KCNMA1: variants seen among roughly 807,000 people sequenced by gnomAD.
KCNMA1 encodes the protein potassium calcium-activated channel subfamily M alpha 1, also known as Calcium-activated potassium channel subunit alpha-1.
In KCNMA1, 29 loss-of-function variants were observed where a neutral mutation model predicts 140.0. That is an observed-to-expected ratio of 0.21 (90% CI 0.15 to 0.28). The LOEUF (loss-of-function observed/expected upper bound fraction) is 0.28, where lower values mean the gene tolerates loss of function less well. KCNMA1 is among the 10% of genes least tolerant of loss of function. KCNMA1 has a pLI of 1.00. For missense variants in KCNMA1, 880 were observed against 1,602.2 expected, an observed-to-expected ratio of 0.55 and a Z score of 7.70; for synonymous variants, 612 against 611.9, an observed-to-expected ratio of 1.00 and a Z score of 0.00.
chr10:77,562,272 C>A (rs1266715021), intron 1 of KCNMA1, among the ~76,000 whole-genome samples: 1 of 152,180 alleles, frequency 6.6e-6, no homozygotes, highest in African/African-American at 2.4e-5. Flanking sequence ...ACCATACAAG[C>A]TTCATGGATA....
At chr10:77,534,194 G>T (rs1409834127) in intron 1 of KCNMA1, among the ~76,000 whole-genome samples, 1 of 152,192 alleles carries the variant, frequency 6.6e-6, no homozygotes, top group Non-Finnish European at 1.5e-5. Context: ...GCTCAGAGAT[G>T]ATTATTGCTA....
chr10:77,636,109 C>G, intron 1 of KCNMA1: 1 of 853,714 alleles, frequency 1.2e-6, no homozygotes, highest in Non-Finnish European at 1.7e-6. Flanking sequence ...CTGCACTATT[C>G]CCCTGGATTT....
intron 2 of KCNMA1, among the ~76,000 whole-genome samples, chr10:77,301,862 C>T (rs1389971784): frequency 6.7e-6 from 1 of 150,276 alleles, no homozygotes. Context: ...CATCTCACAA[C>T]AGCCTAATGT....
chr10:77,304,055 C>T (rs575828415), intron 2 of KCNMA1, among the ~76,000 whole-genome samples: 21 of 152,206 alleles, frequency 1.4e-4, no homozygotes, highest in Non-Finnish European at 2.2e-4. Context: ...CAGGCCAACA[C>T]GAAGGAATTG....
At position 77,637,601 on chromosome 10, in the gene KCNMA1, G is replaced by C. The variant is rs1469284538; in HGVS notation, c.42C>G (p.Gly14=). The change falls in exon 1 of 28, where the codon GGC becomes GGG. Residue 14 remains glycine, a synonymous_variant. Transcript: ENST00000286628. The part of the protein sequence containing the change: ...GGGGGGGSSG[G]GGGGGGSSLR... ...GACTGCTGCCTCCGCCGCCGCCGCC[G>C]CCGCCGCTGCTGCCGCCGCCGCCGC... 1 of 1,525,052 alleles carries C rather than the reference G, an allele frequency of 6.6e-7. No homozygotes were observed. The highest frequency in any genetic ancestry group is 2.0e-5 in the Admixed American group (1 of 49,752). 94.5% of individuals were successfully genotyped at this position (1,525,052 alleles called of 1,614,324 possible).
At chr10:77,227,292 G>A (rs573379157) in intron 3 of KCNMA1, among the ~76,000 whole-genome samples, 1 of 152,272 alleles carries the variant, frequency 6.6e-6, no homozygotes, top group East Asian at 1.9e-4. Context: ...TTAAACCCAG[G>A]TTCTGGTTTT....
At chr10:77,085,374 G>GA (rs1325652007) in intron 11 of KCNMA1, among the ~76,000 whole-genome samples, 1 of 152,034 alleles carries the variant, frequency 6.6e-6, no homozygotes, top group Non-Finnish European at 1.5e-5. Context: ...AGCCCACAGG[G>GA]GTTTATTCCT....
intron 25 of KCNMA1, chr10:76,902,437 C>T (rs887214981): frequency 6.6e-6 from 1 of 152,394 alleles, no homozygotes; most frequent in Admixed American, 6.5e-5. Context: ...ACCTCCAACT[C>T]TGGCAGGGTT....
At chr10:77,446,208 G>A (rs1314678123) in intron 1 of KCNMA1, among the ~76,000 whole-genome samples, 1 of 152,184 alleles carries the variant, frequency 6.6e-6, no homozygotes, top group Non-Finnish European at 1.5e-5. Context: ...AGCTAAGGAG[G>A]CCCTTGGACC....
At chr10:76,945,027 G>C in intron 22 of KCNMA1, 62 bp from the exon 23 acceptor site, 1 of 1,396,532 alleles carries the variant, frequency 7.2e-7, no homozygotes, top group Admixed American at 1.7e-5. Flanking sequence ...GAGAGAGAGA[G>C]AGAGGAGCAA....
At chr10:77,056,899 G>A (rs1167615599) in intron 14 of KCNMA1, among the ~76,000 whole-genome samples, 6 of 152,218 alleles carry the variant, frequency 3.9e-5, no homozygotes, top group African/African-American at 1.2e-4. Context: ...GTATTGAAAA[G>A]TTTCACACAG....
intron 14 of KCNMA1, among the ~76,000 whole-genome samples, chr10:77,067,473 ATCTC>A (rs78621121): frequency 1.3e-5 from 2 of 151,050 alleles, no homozygotes; most frequent in Non-Finnish European, 3.0e-5. Context: ...TATAATCAAC[ATCTC>A]TCTCTCTCTC....
intron 1 of KCNMA1, among the ~76,000 whole-genome samples, chr10:77,520,049 A>C (rs373025851): frequency 3.6e-3 from 3 of 822 alleles, no homozygotes; most frequent in South Asian, 0.062. Context: ...GTGCAGTGTG[A>C]GGGTGTGCAG....
intron 14 of KCNMA1, among the ~76,000 whole-genome samples, chr10:77,055,722 G>A (rs1014622661): frequency 1.3e-5 from 2 of 152,132 alleles, no homozygotes; most frequent in African/African-American, 4.8e-5. Flanking sequence ...GGCCCCAGAT[G>A]TGAACACAAT....
At chr10:77,413,560 A>T (rs182458120) in intron 1 of KCNMA1, among the ~76,000 whole-genome samples, 47 of 152,272 alleles carry the variant, frequency 3.1e-4, no homozygotes, top group African/African-American at 9.9e-4. Context: ...AGTTCTGCAA[A>T]GGGAATGGAT....
chr10:77,486,566 C>T (rs1236232528), intron 1 of KCNMA1, among the ~76,000 whole-genome samples: 1 of 152,170 alleles, frequency 6.6e-6, no homozygotes, highest in Non-Finnish European at 1.5e-5. Context: ...TCAATCTGTT[C>T]GTGAATCTAA....
intron 14 of KCNMA1, among the ~76,000 whole-genome samples, chr10:77,048,140 C>CA (rs960841344): frequency 4.3e-5 from 1 of 23,188 alleles, no homozygotes; most frequent in Admixed American, 4.4e-4. Flanking sequence ...ATAAGAATTA[C>CA]AAAAAAATGA....
At chr10:77,176,802 A>G (rs756866682) in intron 5 of KCNMA1, among the ~76,000 whole-genome samples, 4 of 152,180 alleles carry the variant, frequency 2.6e-5, no homozygotes, top group Non-Finnish European at 4.4e-5. Context: ...TGTCTGTGTT[A>G]ATCTTGGGAC....
At chr10:77,019,371 A>C in intron 16 of KCNMA1, 1 of 453,544 alleles carries the variant, frequency 2.2e-6, no homozygotes, top group Non-Finnish European at 4.0e-6. Context: ...GGTTTATATA[A>C]TGGAGCAGTC....
Sources: gnomAD v4.1 joint callset for allele counts (sites outside exome capture counted in the v4.1 genomes callset) on GRCh38, gnomAD v4.1.1 for gene constraint, MANE v1.5 for transcripts, NCBI Gene and HGNC (gene_info 2026-07-23, HGNC 2026-07-21) for gene names.